Variants in RBPMS observed in about 807,000 individuals in gnomAD.
RBPMS encodes the protein RNA-binding protein with multiple splicing.
Under a neutral mutation model 26.8 loss-of-function variants are expected in RBPMS, and 7 were observed. The ratio of observed to expected loss-of-function variants is 0.26; its 90% CI spans 0.15 to 0.49. RBPMS has a LOEUF of 0.49. RBPMS is among the 20% of genes least tolerant of loss of function. The pLI is 0.98. For synonymous variants in RBPMS, 96 were observed against 93.3 expected (o/e 1.03, Z -0.17); for missense variants, 186 against 250.0 (o/e 0.74, Z 1.73).
chr8:30,548,202 G>A (rs982155455), intron 6 of RBPMS, among the ~76,000 whole-genome samples: 2 of 152,192 alleles, frequency 1.3e-5, no homozygotes, highest in Non-Finnish European at 2.9e-5. Flanking sequence ...TTCATCTGTT[G>A]CTTTCAAAAA....
At chr8:30,546,189 C>T (rs191514833) in intron 6 of RBPMS, among the ~76,000 whole-genome samples, 4 of 152,304 alleles carry the variant, frequency 2.6e-5, no homozygotes, top group Non-Finnish European at 5.9e-5. Context: ...ATGGTGTCTC[C>T]TCTTGCTAGA....
intron 7 of RBPMS, among the ~76,000 whole-genome samples, chr8:30,559,500 G>T (rs1033744526): frequency 2.0e-5 from 3 of 152,278 alleles, no homozygotes; most frequent in Admixed American, 2.0e-4. Context: ...ATCCTAAATG[G>T]GCATTTTTGT....
At chr8:30,491,427 T>C (rs1222315676) in intron 4 of RBPMS, among the ~76,000 whole-genome samples, 1 of 152,092 alleles carries the variant, frequency 6.6e-6, no homozygotes, top group African/African-American at 2.4e-5. Context: ...TCATTAACAT[T>C]ACCTAAACTT....
At chr8:30,548,927 TGTTTTGAATACATA>T (rs1275426141) in intron 6 of RBPMS, among the ~76,000 whole-genome samples, 1 of 152,248 alleles carries the variant, frequency 6.6e-6, no homozygotes. Context: ...GTGTCGGGTA[TGTTTTGAATACATA>T]GAGTGTTGGG....
chr8:30,544,919 CAGCT>C, intron 6 of RBPMS: 1 of 1,479,008 alleles, frequency 6.8e-7, no homozygotes, highest in Admixed American at 2.1e-5. Flanking sequence ...ACCTGGCTCC[CAGCT>C]AGCTAGAGGG....
intron 1 of RBPMS, chr8:30,387,094 G>A (rs959066915): frequency 1.3e-5 from 2 of 152,080 alleles, no homozygotes; most frequent in Non-Finnish European, 2.9e-5. Context: ...TACTTGTCCT[G>A]TTATCTGACA....
At chr8:30,471,455 A>T (rs1296003771) in intron 1 of RBPMS, among the ~76,000 whole-genome samples, 1 of 152,230 alleles carries the variant, frequency 6.6e-6, no homozygotes, top group Non-Finnish European at 1.5e-5. Flanking sequence ...ATTCTAATTC[A>T]TATTTATCAC....
chr8:30,384,632 T>C lies in RBPMS; in HGVS notation c.-461T>C, dbSNP rs1297987451. ...CTCCGCCCCGCTCCTCCTCCTCCTC[T>C]TCCTCCTCCTCCTCCTCTCTAGGCA... is the stretch of plus-strand genomic sequence containing the variant. On this transcript the variant is annotated 5_prime_UTR_variant, in exon 1 of 9. Transcript: ENST00000397323. The surrounding 1 kb of genome is among the most constrained non-coding windows in gnomAD (Gnocchi z 5.6). The C allele has an allele frequency of 6.4e-6, 1 of 157,310 alleles. No individual in the cohort carries two copies. Among genetic ancestry groups the C allele is most frequent in the Non-Finnish European group, 1.4e-5 (1 of 72,660 alleles). 9.7% of individuals were successfully genotyped at this position (157,310 alleles called of 1,614,324 possible). A position where few individuals can be genotyped will look rare whatever the true frequency, so the allele number is the denominator to read the frequency against.
rs10216731 is a variant in RBPMS, at chr8:30,537,690, A to G, written c.398-6804A>G. 3,216 of 455,222 alleles carry G rather than the reference A, an allele frequency of 7.1e-3. 94 individuals are homozygous for G. The highest frequency in any genetic ancestry group is 0.059 in the African/African-American group (2,951 of 50,132). The allele number at this position is 455,222 out of a possible 1,614,324, so 28.2% of individuals were successfully genotyped here. On this transcript the variant is annotated intron_variant, in intron 5 of 8. Transcript: ENST00000397323. ...CTCTGTGAGAGTCGTTGGGCTGGAT[A>G]TTTAACCTCGCTGTGTCTCAGCTTT...
rs139303957 is a variant in RBPMS at position 30,550,007 on chromosome 8, C to T, written c.528+5383C>T. ...CTGGGACTACAGGCGCCTGTCACCACGCCTGGCTCATTTTTTGTATTTTTA... is the reference window on the plus strand; with the variant it reads ...CTGGGACTACAGGCGCCTGTCACCATGCCTGGCTCATTTTTTGTATTTTTA... On this transcript the variant is annotated intron_variant, in intron 6 of 8. Coordinates refer to ENST00000397323, the MANE Select transcript of RBPMS (RefSeq NM_001008710.3). Among the ~76,000 whole-genome samples, 1,475 of 151,938 alleles carry T rather than the reference C, an allele frequency of 9.7e-3. 22 individuals are homozygous for T. Among genetic ancestry groups the T allele is most frequent in the African/African-American group, 0.031 (1,267 of 41,398 alleles).
rs569082397 is a variant in RBPMS, at chr8:30,470,964, T to C, written c.67-3815T>C. The stretch of plus-strand genomic sequence containing the variant: ...AATTTCCTCCATAAACTTTATAATA[T>C]AATATTGATACAAATATTGACTTTG... On this transcript the variant is annotated intron_variant, in intron 1 of 8. Coordinates refer to ENST00000397323, the MANE Select transcript of RBPMS (RefSeq NM_001008710.3). 3.3e-5 allele frequency among the ~76,000 whole-genome samples: 5 copies of C among 152,334 alleles called. No homozygotes were observed. In the South Asian group the frequency reaches 6.2e-4, roughly 19 times the overall value.
intron 1 of RBPMS, among the ~76,000 whole-genome samples, chr8:30,410,566 ATGTGTG>A (rs144441518): frequency 2.8e-5 from 4 of 143,338 alleles, no homozygotes; most frequent in Non-Finnish European, 6.4e-5. Flanking sequence ...GTGTGTGTGT[ATGTGTG>A]TGTGTGTGTA....
chr8:30,473,637 A>G (rs537800625), intron 1 of RBPMS, among the ~76,000 whole-genome samples: 11 of 152,310 alleles, frequency 7.2e-5, no homozygotes, highest in African/African-American at 2.4e-4. Flanking sequence ...AGGAAGATAC[A>G]TGCACGTGTA....
intron 6 of RBPMS, among the ~76,000 whole-genome samples, chr8:30,547,753 T>C (rs1825987131): frequency 6.6e-6 from 1 of 152,178 alleles, no homozygotes; most frequent in Admixed American, 6.5e-5. Context: ...GTTGGAAGCG[T>C]CTCATCCACC....
intron 1 of RBPMS, among the ~76,000 whole-genome samples, chr8:30,419,450 A>ATGTGTGTGTG (rs71278690): frequency 0.025 from 3,605 of 143,198 alleles, 81 homozygotes; most frequent in East Asian, 0.076. Flanking sequence ...CATCTCAAAA[A>ATGTGTGTGTG]TGTGTGTGTG....
At chr8:30,541,917 G>C (rs909844504) in intron 5 of RBPMS, among the ~76,000 whole-genome samples, 1 of 152,254 alleles carries the variant, frequency 6.6e-6, no homozygotes, top group Non-Finnish European at 1.5e-5. Flanking sequence ...CGTCAAAGGA[G>C]TGTATGTGTG....
At chr8:30,457,488 C>G (rs1815349373) in intron 1 of RBPMS, among the ~76,000 whole-genome samples, 1 of 150,304 alleles carries the variant, frequency 6.7e-6, no homozygotes, top group Non-Finnish European at 1.5e-5. Flanking sequence ...TGTTCTGTTT[C>G]TTTAATAGCA....
intron 5 of RBPMS, among the ~76,000 whole-genome samples, chr8:30,534,450 A>C (rs1824592604): frequency 6.6e-6 from 1 of 152,244 alleles, no homozygotes; most frequent in African/African-American, 2.4e-5. Flanking sequence ...ACATAATTTT[A>C]AAATAGGATT....
In RBPMS at chr8:30,544,504, A is replaced by G; in HGVS notation, c.408A>G (p.Thr136=). Residue 136 remains threonine (T), a synonymous_variant, in exon 6 of 9, where the codon ACA becomes ACG. Transcript: ENST00000397323. ...ATTCTTTTCTTGCAGATGAGCTCACAGTGCCTGCACTTTACCCCAGTAGCC... is the reference window on the plus strand; with the variant it reads ...ATTCTTTTCTTGCAGATGAGCTCACGGTGCCTGCACTTTACCCCAGTAGCC... ...QFIAREPYEL[T]VPALYPSSPE... 9.9e-6 allele frequency: 16 copies of G among 1,614,026 alleles called. No individual in the cohort carries two copies. Among genetic ancestry groups the G allele is most frequent in the Non-Finnish European group, 1.4e-5 (16 of 1,179,890 alleles).
Sources: gnomAD v4.1 joint callset for allele counts (sites outside exome capture counted in the v4.1 genomes callset) on GRCh38, gnomAD v4.1.1 for gene constraint, Gnocchi (gnomAD v3.1) non-coding constraint, MANE v1.5 for transcripts, NCBI Gene and HGNC (gene_info 2026-07-23, HGNC 2026-07-21) for gene names.